SPACA6: variants seen among roughly 807,000 people sequenced by gnomAD.
SPACA6 encodes the protein sperm acrosome membrane-associated protein 6.
For missense variants in SPACA6, 8 were observed against 2.8 expected, an observed-to-expected ratio of 2.88 and a Z score of -1.34; for synonymous variants, 6 against 1.5, an observed-to-expected ratio of 4.05 and a Z score of -2.21.
At chr19:51,706,430 T>C (rs1431313848), downstream of SPACA6, among the ~76,000 whole-genome samples, 1 of 152,164 alleles carries the variant, frequency 6.6e-6, no homozygotes, top group African/African-American at 2.4e-5. Context: ...GGCCCCTTGC[T>C]ACTTTCCAGC....
At chr19:51,704,223 G>A in intron 7 of SPACA6, 37 bp downstream of exon 7, 1 of 400,916 alleles carries the variant, frequency 2.5e-6, no homozygotes, top group Non-Finnish European at 4.4e-6. Flanking sequence ...GAGCGGGGTC[G>A]GGAGAGGGGT....
chr19:51,708,857 CT>C (rs1322387541), downstream of SPACA6, among the ~76,000 whole-genome samples: 4 of 146,048 alleles, frequency 2.7e-5, no homozygotes, highest in Non-Finnish European at 6.0e-5. Flanking sequence ...GAGACTCTGT[CT>C]AAAAAAAAAA....
chr19:51,685,274 G>T (rs2083323573), upstream of SPACA6: 1 of 152,174 alleles, frequency 6.6e-6, no homozygotes, highest in Non-Finnish European at 1.5e-5. Flanking sequence ...AGAAGTATGA[G>T]AATTACAATA....
chr19:51,692,597 G>A (rs555883535), upstream of SPACA6: 33 of 522,560 alleles, frequency 6.3e-5, no homozygotes, highest in Admixed American at 2.8e-4. This position sits in a 1 kb window ranked among gnomAD's most constrained non-coding sequence, Gnocchi z 5.6. Flanking sequence ...CCGGGGGCCC[G>A]GACTCCTGGG....
upstream of SPACA6, among the ~76,000 whole-genome samples, chr19:51,691,696 G>C (rs11668874): frequency 0.76 from 116,019 of 151,838 alleles, 44,890 homozygotes; most frequent in African/African-American, 0.87. Context: ...CCTGGACTGC[G>C]AGAAAGGAAC....
intron 1 of SPACA6, chr19:51,693,956 A>C: frequency 2.7e-6 from 1 of 369,980 alleles, no homozygotes; most frequent in Admixed American, 4.6e-5. Flanking sequence ...GGAGAGTCAG[A>C]GAGGGGAAGA....
intron 2 of SPACA6, among the ~76,000 whole-genome samples, chr19:51,697,421 A>G (rs938951978): frequency 3.9e-5 from 6 of 152,180 alleles, no homozygotes. Context: ...AGGCTTGCCC[A>G]TGCGTGCAAA....
upstream of SPACA6, among the ~76,000 whole-genome samples, chr19:51,684,492 T>TC (rs1372207986): frequency 6.6e-6 from 1 of 151,922 alleles, no homozygotes; most frequent in Non-Finnish European, 1.5e-5. Flanking sequence ...CCTCCCCACT[T>TC]CCCCCAGCCC....
chr19:51,691,357 G>A (rs1189653953), upstream of SPACA6, among the ~76,000 whole-genome samples: 4 of 151,438 alleles, frequency 2.6e-5, no homozygotes, highest in African/African-American at 2.4e-5. Context: ...GGAAGGGGCG[G>A]AGGGAGAGGA....
chr19:51,712,238 C>G (rs1389888234), exon 3 of SPACA6: 6 of 152,168 alleles, frequency 3.9e-5, no homozygotes, highest in African/African-American at 1.4e-4. Flanking sequence ...TGGTCTCGAA[C>G]TCGTGACCTC....
In SPACA6 at chr19:51,694,556, G is replaced by A. The variant is rs1330164151; in HGVS notation, c.292+1G>A. ...CTGCAGGAGCTGGCTGCTGCCCAGG[G>A]TGAGTGTGTGGGGATGGGGAGATGG... On this transcript the variant is annotated splice_donor_variant, in intron 2 of 8. Transcript: ENST00000637797. LOFTEE classifies it high-confidence loss of function. The A allele has an allele frequency of 2.5e-6, 1 of 399,760 alleles. No individual in the cohort carries two copies. Among genetic ancestry groups the A allele is most frequent in the Non-Finnish European group, 4.4e-6 (1 of 226,584 alleles). 24.8% of individuals were successfully genotyped at this position (399,760 alleles called of 1,614,324 possible). A position where few individuals can be genotyped will look rare whatever the true frequency, so the allele number is the denominator to read the frequency against.
At chr19:51,685,982 T>C (rs2083326679), upstream of SPACA6, 1 of 152,032 alleles carries the variant, frequency 6.6e-6, no homozygotes, top group African/African-American at 2.4e-5. Flanking sequence ...TGTGCCAATG[T>C]CTGATGGGAA....
chr19:51,703,725 G>T lies in SPACA6; in HGVS notation c.574-305G>T, dbSNP rs1360845911. On this transcript the variant is annotated intron_variant, in intron 6 of 8. Transcript: ENST00000637797. The surrounding 1 kb of genome is among the most constrained non-coding windows in gnomAD (Gnocchi z 4.2). Reference sequence around the variant, plus strand: ...GAGCGGGAAGACTGCTTAAGTCCAGGAGTTTGAGGCTGCAGTGAGCTATGA... The same window carrying T: ...GAGCGGGAAGACTGCTTAAGTCCAGTAGTTTGAGGCTGCAGTGAGCTATGA... Among the ~76,000 whole-genome samples the T allele has an allele frequency of 6.6e-6, 1 of 152,168 alleles. No homozygotes were observed. The highest frequency in any genetic ancestry group is 1.5e-5 in the Non-Finnish European group (1 of 68,020).
chr19:51,685,317 T>G (rs774276621), upstream of SPACA6: 3 of 152,190 alleles, frequency 2.0e-5, no homozygotes, highest in Non-Finnish European at 4.4e-5. Flanking sequence ...GATGGTGATA[T>G]AGGTTGAGCA....
chr19:51,693,242 C>A (rs753472633), upstream of SPACA6: 2 of 680,020 alleles, frequency 2.9e-6, no homozygotes, highest in Non-Finnish European at 5.7e-6. Flanking sequence ...ACCGGGCCAC[C>A]GCACACCATG....
chr19:51,688,734 T>C (rs2083340878), upstream of SPACA6, among the ~76,000 whole-genome samples: 1 of 149,278 alleles, frequency 6.7e-6, no homozygotes, highest in Non-Finnish European at 1.5e-5. Flanking sequence ...GAAGAATAAA[T>C]GGGAGACACA....
At chr19:51,709,853 T>G (rs2083534101), downstream of SPACA6, among the ~76,000 whole-genome samples, 1 of 152,038 alleles carries the variant, frequency 6.6e-6, no homozygotes, top group South Asian at 2.1e-4. Flanking sequence ...GTAGAATCAG[T>G]GGGATTTGCT....
At chr19:51,694,205 G>A (rs971205174) in intron 1 of SPACA6, 3 of 336,444 alleles carry the variant, frequency 8.9e-6, no homozygotes, top group African/African-American at 4.2e-5. Flanking sequence ...GGTGGAAGAT[G>A]GAGACTCAAA....
chr19:51,712,482 T>G (rs1199298358), downstream of SPACA6: 1 of 152,358 alleles, frequency 6.6e-6, no homozygotes, highest in Non-Finnish European at 1.5e-5. Flanking sequence ...TAACAATATG[T>G]TCAGATGCTG....
Sources: allele counts gnomAD v4.1 joint callset (sites outside exome capture counted in the v4.1 genomes callset), GRCh38; gene constraint gnomAD v4.1.1; non-coding constraint Gnocchi (gnomAD v3.1); transcripts MANE v1.5; gene names NCBI Gene and HGNC (gene_info 2026-07-23, HGNC 2026-07-21).